Variants in SLC35F1 observed in about 807,000 individuals in gnomAD.
SLC35F1 encodes the protein chromosome 6 open reading frame 169.
A neutral mutation model predicts 48.7 loss-of-function variants in SLC35F1; 14 were observed. That is an observed-to-expected ratio of 0.29 (90% CI 0.19 to 0.45). The LOEUF (loss-of-function observed/expected upper bound fraction) is 0.45, where lower values mean the gene tolerates loss of function less well. Ranked by LOEUF, SLC35F1 falls within the 20% of genes least tolerant of loss-of-function variation. The pLI, the probability that SLC35F1 is intolerant of heterozygous loss-of-function variation, is 1.00. For synonymous variants in SLC35F1, 190 were observed against 202.2 expected (o/e 0.94, Z 0.51); for missense variants, 404 against 500.0 (o/e 0.81, Z 1.83).
At chr6:118,177,936 C>A (rs1774516541) in intron 2 of SLC35F1, among the ~76,000 whole-genome samples, 1 of 152,046 alleles carries the variant, frequency 6.6e-6, no homozygotes, top group Non-Finnish European at 1.5e-5. Flanking sequence ...AAGCCACTCC[C>A]CATTCCTCCT....
intron 1 of SLC35F1, among the ~76,000 whole-genome samples, chr6:117,981,812 ATTC>A (rs1461346061): frequency 6.6e-6 from 1 of 152,188 alleles, no homozygotes; most frequent in African/African-American, 2.4e-5. Flanking sequence ...AACCTACACT[ATTC>A]TTTTATAATC....
intron 1 of SLC35F1, among the ~76,000 whole-genome samples, chr6:118,039,813 T>G (rs1166093528): frequency 1.3e-5 from 2 of 149,710 alleles, no homozygotes; most frequent in East Asian, 2.0e-4. Flanking sequence ...TTTTTGTTTT[T>G]TTTTTTTGCT....
chr6:117,962,205 G>C (rs1248165566), intron 1 of SLC35F1, among the ~76,000 whole-genome samples: 1 of 152,162 alleles, frequency 6.6e-6, no homozygotes, highest in Non-Finnish European at 1.5e-5. Context: ...GGTGAGATGA[G>C]CAGGGGACTG....
At chr6:118,303,972 T>A (rs1776283299) in intron 7 of SLC35F1, among the ~76,000 whole-genome samples, 1 of 152,194 alleles carries the variant, frequency 6.6e-6, no homozygotes, top group South Asian at 2.1e-4. Flanking sequence ...AGATACTCAA[T>A]TTAAGCACAT....
At chr6:118,115,864 T>C (rs1377758686) in intron 1 of SLC35F1, among the ~76,000 whole-genome samples, 2 of 152,200 alleles carry the variant, frequency 1.3e-5, no homozygotes, top group African/African-American at 4.8e-5. Flanking sequence ...CCAATATACA[T>C]TTGGCTAAAG....
chr6:118,023,972 G>A (rs1264204683), intron 1 of SLC35F1, among the ~76,000 whole-genome samples: 5 of 152,178 alleles, frequency 3.3e-5, no homozygotes, highest in African/African-American at 9.7e-5. Context: ...TTCTGTTGCA[G>A]AGACATTAAC....
intron 2 of SLC35F1, among the ~76,000 whole-genome samples, chr6:118,224,538 G>A (rs1775190366): frequency 6.6e-6 from 1 of 152,080 alleles, no homozygotes; most frequent in Non-Finnish European, 1.5e-5. Flanking sequence ...GGGACTATAG[G>A]CACACTCATT....
At chr6:118,169,956 G>A (rs898089189) in intron 2 of SLC35F1, among the ~76,000 whole-genome samples, 1 of 152,280 alleles carries the variant, frequency 6.6e-6, no homozygotes, top group East Asian at 1.9e-4. Flanking sequence ...AACCTGTCTA[G>A]TTGAGGAAAG....
chr6:118,232,207 G>C (rs1036401332), intron 2 of SLC35F1, among the ~76,000 whole-genome samples: 1 of 152,162 alleles, frequency 6.6e-6, no homozygotes, highest in Non-Finnish European at 1.5e-5. Flanking sequence ...ATGTGTAATA[G>C]AGTGAAGAAA....
intron 2 of SLC35F1, among the ~76,000 whole-genome samples, chr6:118,205,022 T>C (rs933955794): frequency 6.6e-6 from 1 of 152,182 alleles, no homozygotes; most frequent in Non-Finnish European, 1.5e-5. Context: ...GCCTTTCACC[T>C]CTACTTCTTT....
At chr6:118,164,392 C>G (rs1161216345) in intron 2 of SLC35F1, among the ~76,000 whole-genome samples, 1 of 152,132 alleles carries the variant, frequency 6.6e-6, no homozygotes, top group African/African-American at 2.4e-5. Flanking sequence ...TTAGGAATTA[C>G]TACTTAAGTC....
intron 1 of SLC35F1, among the ~76,000 whole-genome samples, chr6:117,996,784 A>G (rs1776998660): frequency 6.6e-6 from 1 of 152,228 alleles, no homozygotes; most frequent in Non-Finnish European, 1.5e-5. Context: ...CCATCTGTAC[A>G]TCACCATCAT....
At chr6:117,982,212 T>C (rs1445103481) in intron 1 of SLC35F1, among the ~76,000 whole-genome samples, 1 of 152,354 alleles carries the variant, frequency 6.6e-6, no homozygotes, top group East Asian at 1.9e-4. Context: ...AAATCAGTTA[T>C]AGGAAATGAA....
Position 117,907,896 on chromosome 6 carries a change from A to G in SLC35F1, c.170A>G (p.Asn57Ser), listed in dbSNP as rs1361026540. 1.2e-5 allele frequency: 17 copies of G among 1,400,492 alleles called. No homozygotes were observed. The highest frequency in any genetic ancestry group is 1.0e-4 in the African/African-American group (7 of 66,812). 86.8% of individuals were successfully genotyped at this position (1,400,492 alleles called of 1,614,324 possible). A position where few individuals can be genotyped will look rare whatever the true frequency, so the allele number is the denominator to read the frequency against. The change falls in exon 1 of 8, where the codon AAC (asparagine) becomes AGC (serine). Residue 57 changes from asparagine (N) to serine (S), a missense_variant. Coordinates refer to ENST00000360388, the MANE Select transcript of SLC35F1 (RefSeq NM_001029858.4). ...CGCCAGAGGATCCGCAAAGTGCTGA[A>G]CAGGTGAGCGGCGGCGCCGGGCGAG... ...GVRQRIRKVL[N>S]REMLISVALG... is the part of the protein sequence containing the mutation.
chr6:118,309,847 G>A (rs1761623), intron 7 of SLC35F1, among the ~76,000 whole-genome samples: 20 of 152,278 alleles, frequency 1.3e-4, no homozygotes, highest in African/African-American at 4.8e-4. Flanking sequence ...AAGTTAAAGA[G>A]CTTTGTACAG....
intron 2 of SLC35F1, among the ~76,000 whole-genome samples, chr6:118,167,678 A>G (rs1275563158): frequency 6.6e-6 from 1 of 152,212 alleles, no homozygotes; most frequent in African/African-American, 2.4e-5. Context: ...TGGCAAGTGA[A>G]TGTGAAGGCT....
intron 4 of SLC35F1, among the ~76,000 whole-genome samples, chr6:118,271,043 ACT>A (rs111313395): frequency 0.04 from 6,073 of 152,250 alleles, 416 homozygotes; most frequent in African/African-American, 0.14. Flanking sequence ...TATTACACTT[ACT>A]TTTACATTTA....
intron 2 of SLC35F1, 102 bp downstream of exon 2, chr6:118,154,722 C>A (rs778024039): frequency 1.9e-5 from 21 of 1,109,210 alleles, no homozygotes; most frequent in Admixed American, 2.6e-5. Context: ...CAGTTAAGAT[C>A]ATTGAAAACC....
chr6:118,138,814 G>A (rs1384222549), intron 1 of SLC35F1, among the ~76,000 whole-genome samples: 1 of 151,970 alleles, frequency 6.6e-6, no homozygotes, highest in East Asian at 1.9e-4. Context: ...CACTAAGGGG[G>A]AAAATAATGT....
Sources: allele counts gnomAD v4.1 joint callset (sites outside exome capture counted in the v4.1 genomes callset), GRCh38; gene constraint gnomAD v4.1.1; transcripts MANE v1.5; gene names NCBI Gene and HGNC (gene_info 2026-07-23, HGNC 2026-07-21).